UNC13B: variants seen among roughly 807,000 people sequenced by gnomAD.
The protein encoded by UNC13B is protein unc-13 homolog B.
Under a neutral mutation model 211.0 loss-of-function variants are expected in UNC13B, and 144 were observed. That is an observed-to-expected ratio of 0.68 (90% confidence interval 0.60 to 0.78). The LOEUF (loss-of-function observed/expected upper bound fraction) is 0.78, where lower values mean the gene tolerates loss of function less well. Among genes scored for constraint, UNC13B ranks in the 30% least tolerant of loss-of-function variants. The pLI is 0.00. For synonymous variants in UNC13B, 709 were observed against 725.8 expected, an observed-to-expected ratio of 0.98 and a Z score of 0.37; for missense variants, 1,777 against 2,002.0, an observed-to-expected ratio of 0.89 and a Z score of 2.14.
intron 21 of UNC13B, 42 bp from the exon 22 acceptor site, chr9:35,384,204 A>G (rs763757359): frequency 1.1e-5 from 18 of 1,612,602 alleles, no homozygotes; most frequent in Middle Eastern, 1.7e-4. Context: ...ACTCAGACAC[A>G]GGTTCTCTTT....
chr9:35,389,189 A>G (rs1835370050), intron 24 of UNC13B, among the ~76,000 whole-genome samples: 1 of 152,144 alleles, frequency 6.6e-6, no homozygotes, highest in Non-Finnish European at 1.5e-5. Context: ...CTGTGAATAT[A>G]GAGTGATTTC....
At chr9:35,202,765 C>T (rs1823390347) in intron 1 of UNC13B, among the ~76,000 whole-genome samples, 1 of 149,694 alleles carries the variant, frequency 6.7e-6, no homozygotes. Flanking sequence ...GATGGGTCTC[C>T]TGAATACAGC....
chr9:35,332,813 C>A (rs942406069), intron 11 of UNC13B, among the ~76,000 whole-genome samples: 3 of 152,188 alleles, frequency 2.0e-5, no homozygotes, highest in African/African-American at 7.2e-5. Context: ...TATAGCATTT[C>A]ATATATAATC....
At chr9:35,332,803 T>A (rs1388639261) in intron 11 of UNC13B, among the ~76,000 whole-genome samples, 3 of 152,230 alleles carry the variant, frequency 2.0e-5, no homozygotes, top group Non-Finnish European at 4.4e-5. Context: ...TTTATCTTTC[T>A]ATAGCATTTC....
chr9:35,346,945 G>C (rs537891422), intron 11 of UNC13B, among the ~76,000 whole-genome samples: 41 of 148,254 alleles, frequency 2.8e-4, no homozygotes, highest in African/African-American at 1.0e-3. Flanking sequence ...TTTTTTTAAA[G>C]ACAGGGTCTT....
intron 7 of UNC13B, among the ~76,000 whole-genome samples, chr9:35,280,118 A>G (rs964847110): frequency 4.6e-5 from 7 of 152,118 alleles, no homozygotes; most frequent in African/African-American, 1.4e-4. Flanking sequence ...ATTTTCAATA[A>G]TAATATTGTG....
chr9:35,379,721 C>T lies in UNC13B; in HGVS notation c.10206-749C>T, dbSNP rs138123168. Among the ~76,000 whole-genome samples the T allele has an allele frequency of 4.3e-3, 650 of 152,194 alleles. 4 individuals carry two copies. Among genetic ancestry groups the T allele is most frequent in the African/African-American group, 0.015 (620 of 41,520 alleles). On this transcript the variant is annotated intron_variant, in intron 17 of 39. Transcript: ENST00000635942. ...GAACAATCCCTGGCTTCAAGAAGCT[C>T]CTTGTTGATTTGTCTATTATCTTCT... is the stretch of plus-strand genomic sequence containing the variant.
chr9:35,280,167 G>A (rs1828403879), intron 7 of UNC13B, among the ~76,000 whole-genome samples: 1 of 152,170 alleles, frequency 6.6e-6, no homozygotes, highest in Non-Finnish European at 1.5e-5. Context: ...AGAAGAAGAA[G>A]CAAATGGTTG....
intron 1 of UNC13B, among the ~76,000 whole-genome samples, chr9:35,212,694 T>C (rs1049557494): frequency 6.6e-6 from 1 of 152,170 alleles, no homozygotes; most frequent in Non-Finnish European, 1.5e-5. Context: ...TGACCAAATA[T>C]AACAAATATC....
chr9:35,270,408 A>G (rs1178287063), intron 7 of UNC13B, among the ~76,000 whole-genome samples: 2 of 152,106 alleles, frequency 1.3e-5, no homozygotes, highest in African/African-American at 4.8e-5. Flanking sequence ...ACATATATAC[A>G]CACATGTGTA....
intron 7 of UNC13B, among the ~76,000 whole-genome samples, chr9:35,283,118 A>T (rs1336811154): frequency 6.6e-6 from 1 of 152,212 alleles, no homozygotes; most frequent in East Asian, 1.9e-4. Flanking sequence ...AAACATGTTC[A>T]AATGAATCTC....
At chr9:35,197,432 T>A (rs1263946523) in intron 1 of UNC13B, among the ~76,000 whole-genome samples, 2 of 152,204 alleles carry the variant, frequency 1.3e-5, no homozygotes, top group Non-Finnish European at 1.5e-5. Context: ...GGTCTTGAAC[T>A]CCTGGCCTCA....
intron 11 of UNC13B, among the ~76,000 whole-genome samples, chr9:35,357,318 C>G (rs1471883736): frequency 6.6e-6 from 1 of 152,140 alleles, no homozygotes; most frequent in East Asian, 1.9e-4. Context: ...TTGTGTTTCT[C>G]TAGTGACTAA....
rs1405371415 is a variant in UNC13B, at chr9:35,237,845, C to G, written c.394+19C>G. On this transcript the variant is annotated intron_variant, in intron 5 of 39. Coordinates refer to ENST00000635942, the MANE Select transcript of UNC13B (RefSeq NM_001371189.2). The stretch of plus-strand genomic sequence containing the variant: ...CCTTTTGGTGAGTAAAATTTTAAAA[C>G]TATTTAATAATTTTTACCATATTGT... The G allele has an allele frequency of 6.3e-7, 1 of 1,589,172 alleles. No homozygotes were observed. The highest frequency in any genetic ancestry group is 8.5e-7 in the Non-Finnish European group (1 of 1,171,146).
chr9:35,254,240 T>C (rs908211320), intron 6 of UNC13B, among the ~76,000 whole-genome samples: 4 of 152,202 alleles, frequency 2.6e-5, no homozygotes, highest in African/African-American at 9.7e-5. Context: ...TGGATTGCTA[T>C]AACAATGCAA....
intron 8 of UNC13B, among the ~76,000 whole-genome samples, chr9:35,297,033 A>C (rs1343703645): frequency 2.0e-5 from 3 of 150,410 alleles, no homozygotes; most frequent in African/African-American, 7.3e-5. Context: ...ATGTTTCCTT[A>C]GCTTCCTTTA....
Position 35,301,134 on chromosome 9 carries a change from C to T in UNC13B, c.1730C>T (p.Ala577Val), listed in dbSNP as rs1173024838. 4.0e-5 allele frequency: 16 copies of T among 398,636 alleles called. No homozygotes were observed. The highest frequency in any genetic ancestry group is 6.2e-5 in the Non-Finnish European group (14 of 225,930). 24.7% of individuals were successfully genotyped at this position (398,636 alleles called of 1,614,324 possible). The change falls in exon 9 of 40, where the codon GCA becomes GTA. Residue 577 changes from alanine to valine, a missense_variant. By Grantham distance (64) the Ala-to-Val change is moderately conservative. Transcript: ENST00000635942. ...EKTETLNQIE[A>V]INLGSKPRAM... ...ACAGAAACTCTTAATCAAATAGAGGCAATTAATTTGGGATCTAAACCCAGA... is the reference window on the plus strand; with the variant it reads ...ACAGAAACTCTTAATCAAATAGAGGTAATTAATTTGGGATCTAAACCCAGA...
intron 11 of UNC13B, 62 bp downstream of exon 11, chr9:35,314,051 G>A (rs1428702767): frequency 6.0e-6 from 8 of 1,325,414 alleles, no homozygotes; most frequent in South Asian, 1.2e-5. Context: ...GAGACATATG[G>A]TGCTGGAGAA....
intron 7 of UNC13B, among the ~76,000 whole-genome samples, chr9:35,276,197 A>G (rs1390476421): frequency 2.7e-5 from 4 of 150,916 alleles, no homozygotes; most frequent in Non-Finnish European, 5.9e-5. Context: ...TCCCAGCTAC[A>G]TGGGAGGCTG....
Sources: allele counts gnomAD v4.1 joint callset (sites outside exome capture counted in the v4.1 genomes callset), GRCh38; gene constraint gnomAD v4.1.1; transcripts MANE v1.5; gene names NCBI Gene and HGNC (gene_info 2026-07-23, HGNC 2026-07-21).